NTRK2: variants seen among roughly 807,000 people sequenced by gnomAD.
The protein encoded by NTRK2 is BDNF/NT-3 growth factors receptor.
Under a neutral mutation model 94.5 loss-of-function variants are expected in NTRK2, and 13 were observed. The ratio of observed to expected loss-of-function variants is 0.14; its 90% confidence interval spans 0.09 to 0.22. NTRK2 has a LOEUF of 0.22. Ranked by LOEUF, NTRK2 falls within the 10% of genes least tolerant of loss-of-function variation. The pLI, the probability that NTRK2 is intolerant of heterozygous loss-of-function variation, is 1.00. For missense variants in NTRK2, 639 were observed against 1,071.2 expected (o/e 0.60, Z 5.63); for synonymous variants, 372 against 407.4 (o/e 0.91, Z 1.05).
intron 14 of NTRK2, among the ~76,000 whole-genome samples, chr9:84,891,123 G>A (rs372221895): frequency 3.9e-5 from 6 of 152,060 alleles, no homozygotes; most frequent in Non-Finnish European, 5.9e-5. Flanking sequence ...GCCTGTGGCC[G>A]ATAGTTGGTG....
chr9:84,911,082 G>T (rs552985356), intron 14 of NTRK2, among the ~76,000 whole-genome samples: 105 of 152,196 alleles, frequency 6.9e-4, no homozygotes, highest in Non-Finnish European at 1.3e-3. Flanking sequence ...CAGTATTGTA[G>T]TTTTGAGTAT....
chr9:84,883,522 G>A (rs1421420638), intron 14 of NTRK2, among the ~76,000 whole-genome samples: 5 of 152,252 alleles, frequency 3.3e-5, no homozygotes, highest in African/African-American at 7.2e-5. Context: ...AATGACAAGC[G>A]CAATGTCTCC....
rs1267494389 is a variant in NTRK2, at chr9:84,819,395, G to A, written c.1397-41645G>A. On this transcript the variant is annotated intron_variant, in intron 12 of 18. Coordinates refer to ENST00000277120, the MANE Select transcript of NTRK2 (RefSeq NM_006180.6). Reference sequence around the variant, plus strand: ...TTACCTTACCTGTGGAGAGTTCTAGGTTTGTCACCTGAACTAGGACACAGC... The same window carrying A: ...TTACCTTACCTGTGGAGAGTTCTAGATTTGTCACCTGAACTAGGACACAGC... Among the ~76,000 whole-genome samples the A allele has an allele frequency of 2.6e-5, 4 of 152,296 alleles. No homozygotes were observed. In the East Asian group the frequency reaches 7.7e-4, roughly 29 times the overall value.
chr9:84,922,123 G>T (rs1459698406), intron 14 of NTRK2, among the ~76,000 whole-genome samples: 1 of 152,104 alleles, frequency 6.6e-6, no homozygotes, highest in Non-Finnish European at 1.5e-5. Flanking sequence ...GTTCGTTTTT[G>T]ACCTGTATGA....
intron 8 of NTRK2, among the ~76,000 whole-genome samples, chr9:84,726,618 A>T (rs542532755): frequency 6.6e-6 from 1 of 152,362 alleles, no homozygotes; most frequent in African/African-American, 2.4e-5. Context: ...GAACACATAC[A>T]GTCAAGAAGC....
chr9:84,889,316 G>T (rs948119148), intron 14 of NTRK2, among the ~76,000 whole-genome samples: 2 of 151,990 alleles, frequency 1.3e-5, no homozygotes, highest in East Asian at 1.9e-4. Flanking sequence ...TTAAAAAGTG[G>T]CTCTTTAAAA....
chr9:85,012,423 TC>T (rs1444880319), intron 17 of NTRK2, among the ~76,000 whole-genome samples: 1 of 152,168 alleles, frequency 6.6e-6, no homozygotes, highest in African/African-American at 2.4e-5. Context: ...ATAGAACATT[TC>T]CATCACCTTT....
At chr9:84,688,838 A>G (rs995759085) in intron 2 of NTRK2, among the ~76,000 whole-genome samples, 2 of 152,084 alleles carry the variant, frequency 1.3e-5, no homozygotes, top group Non-Finnish European at 2.9e-5. Flanking sequence ...TGCATAATGG[A>G]TTGATAGATT....
intron 18 of NTRK2, 111 bp downstream of exon 18, chr9:85,020,475 G>A: frequency 8.8e-7 from 1 of 1,137,400 alleles, no homozygotes; most frequent in Admixed American, 1.7e-5. Flanking sequence ...GATCTTATGG[G>A]CTTTGTTGGT....
chr9:84,928,357 T>C (rs928142012), intron 14 of NTRK2, among the ~76,000 whole-genome samples: 1 of 152,236 alleles, frequency 6.6e-6, no homozygotes, highest in East Asian at 1.9e-4. Flanking sequence ...ACATTTACAT[T>C]CTGCTTTTAA....
chr9:84,998,129 G>A (rs1445634900), intron 17 of NTRK2, among the ~76,000 whole-genome samples: 1 of 152,186 alleles, frequency 6.6e-6, no homozygotes, highest in Non-Finnish European at 1.5e-5. Context: ...AGCAGTGGGA[G>A]GCAGAAGCCT....
intron 15 of NTRK2, among the ~76,000 whole-genome samples, chr9:84,943,363 C>A (rs2078479406): frequency 6.6e-6 from 1 of 152,086 alleles, no homozygotes; most frequent in Non-Finnish European, 1.5e-5. Flanking sequence ...TTTGTTTTTG[C>A]TCTTCTATTT....
At chr9:84,870,625 T>A (rs1344121801) in intron 14 of NTRK2, among the ~76,000 whole-genome samples, 1 of 151,820 alleles carries the variant, frequency 6.6e-6, no homozygotes, top group Non-Finnish European at 1.5e-5. Context: ...AGGGAGGGAA[T>A]GCAGGCATGA....
chr9:84,800,578 T>C (rs1252177450), intron 12 of NTRK2, among the ~76,000 whole-genome samples: 1 of 152,200 alleles, frequency 6.6e-6, no homozygotes. Flanking sequence ...CAATAAAGGA[T>C]AGAGGCAAAC....
intron 6 of NTRK2, among the ~76,000 whole-genome samples, chr9:84,714,705 A>G (rs915827615): frequency 2.0e-5 from 3 of 152,196 alleles, no homozygotes; most frequent in Non-Finnish European, 4.4e-5. Flanking sequence ...TAAGTCTTCA[A>G]GTCTTGTTTG....
intron 14 of NTRK2, among the ~76,000 whole-genome samples, chr9:84,915,920 A>G (rs2077379323): frequency 6.6e-6 from 1 of 152,100 alleles, no homozygotes; most frequent in African/African-American, 2.4e-5. Context: ...GCTCAATGTA[A>G]AAGAGATGAT....
In NTRK2 at chr9:85,009,099, C is replaced by T. The variant is rs190444028; in HGVS notation, c.2173-11107C>T. Among the ~76,000 whole-genome samples the T allele has an allele frequency of 3.1e-3, 472 of 152,344 alleles. 3 individuals carry two copies. Among genetic ancestry groups the T allele is most frequent in the Middle Eastern group, 0.02 (6 of 294 alleles). ...TGTAGACTTCAAAGCTCATTCACTT[C>T]TGCTTCCAGGCTTCTCCAACAGGAG... is the stretch of plus-strand genomic sequence containing the variant. On this transcript the variant is annotated intron_variant, in intron 17 of 18. Transcript: ENST00000277120.
chr9:84,802,206 T>G (rs1007200529), intron 12 of NTRK2, among the ~76,000 whole-genome samples: 3 of 152,230 alleles, frequency 2.0e-5, no homozygotes, highest in African/African-American at 7.2e-5. Context: ...TGGTTGATTT[T>G]TAGCATGGTC....
At chr9:85,020,154 A>T (rs2117918802) in intron 17 of NTRK2, 52 bp from the exon 18 acceptor site, 2 of 1,608,312 alleles carry the variant, frequency 1.2e-6, no homozygotes, top group Non-Finnish European at 1.7e-6. Context: ...GCTCCCTTCC[A>T]CACCTGGTTT....
Sources: allele counts gnomAD v4.1 joint callset (sites outside exome capture counted in the v4.1 genomes callset), GRCh38; gene constraint gnomAD v4.1.1; transcripts MANE v1.5; gene names NCBI Gene and HGNC (gene_info 2026-07-23, HGNC 2026-07-21).